ZNF91: variants seen among roughly 807,000 people sequenced by gnomAD.
ZNF91 encodes zinc finger protein 91 (HPF7, HTF10).
Under a neutral mutation model 12.6 loss-of-function variants are expected in ZNF91, and 7 were observed. That is an observed-to-expected ratio of 0.55 (90% CI 0.31 to 1.04). The LOEUF (loss-of-function observed/expected upper bound fraction) is 1.04, where lower values mean the gene tolerates loss of function less well. Among genes scored for constraint, ZNF91 ranks in the 50% least tolerant of loss-of-function variants. The pLI is 0.05. For missense variants in ZNF91, 1,217 were observed against 1,385.4 expected (o/e 0.88, Z 1.93); for synonymous variants, 453 against 462.6 (o/e 0.98, Z 0.27).
In ZNF91 at chr19:23,360,554, G is replaced by A. The variant is rs1338455311; in HGVS notation, c.2425C>T (p.Arg809Cys). 2.5e-6 allele frequency: 4 copies of A among 1,613,090 alleles called. No individual in the cohort carries two copies. The highest frequency in any genetic ancestry group is 2.5e-6 in the Non-Finnish European group (3 of 1,179,802). The change falls in exon 4 of 4, where the codon CGT (arginine) becomes TGT (cysteine). Residue 809 changes from arginine to cysteine, a missense_variant. Arg to Cys is a radical substitution (Grantham distance 180, BLOSUM62 -3). Coordinates refer to ENST00000300619, the MANE Select transcript of ZNF91 (RefSeq NM_003430.4). ...KCEECGKAFS[R>C]SSTLTKHKTI... ...TTATGCTTAGTAAGGGTTGAGGAAC[G>A]GCTAAAAGCTTTGCCACATTCTTCA... is the stretch of plus-strand genomic sequence containing the variant.
At chr19:23,346,749 G>A (rs926347616) in intron 3 of ZNF91, among the ~76,000 whole-genome samples, 2 of 152,114 alleles carry the variant, frequency 1.3e-5, no homozygotes, top group African/African-American at 4.8e-5. Flanking sequence ...GAACATTGAC[G>A]GCAGCTGCTG....
At position 23,317,339 on chromosome 19, in the gene ZNF91, C is replaced by T. The variant is rs144341985; in HGVS notation, n.117-8242G>A. Among the ~76,000 whole-genome samples, 316 of 152,274 alleles carry T rather than the reference C, an allele frequency of 2.1e-3. 1 individual carries two copies. The East Asian group carries it at 0.038, about 18-fold the overall frequency. On this transcript the variant is annotated intron_variant and non_coding_transcript_variant, in intron 1 of 1. Transcript: ENST00000596528. ...CTGAGATTACAGGTGTGAGCCACCGCGCCCGGCCAGGTGACTCATTTCTAA... is the reference window on the plus strand; with the variant it reads ...CTGAGATTACAGGTGTGAGCCACCGTGCCCGGCCAGGTGACTCATTTCTAA...
At chr19:23,368,368 AGCCAGGCGGGGC>A (rs147102089) in intron 3 of ZNF91, among the ~76,000 whole-genome samples, 14,695 of 151,886 alleles carry the variant, frequency 0.097, 927 homozygotes, top group Middle Eastern at 0.18. Flanking sequence ...TACAAAAATT[AGCCAGGCGGGGC>A]GGCACGTGCC....
intron 3 of ZNF91, among the ~76,000 whole-genome samples, chr19:23,366,145 C>T (rs139861559): frequency 0.022 from 3,412 of 152,154 alleles, 53 homozygotes; most frequent in Middle Eastern, 0.041. Flanking sequence ...TAGGGGCGGC[C>T]GGGCAGAGGC....
chr19:23,314,009 CTGAG>C (rs1967511195), upstream of ZNF91, among the ~76,000 whole-genome samples: 1 of 152,144 alleles, frequency 6.6e-6, no homozygotes, highest in South Asian at 2.1e-4. Context: ...TGCCAAGTAC[CTGAG>C]TGAGAATGTC....
intron 3 of ZNF91, among the ~76,000 whole-genome samples, chr19:23,345,220 T>C (rs1330733146): frequency 6.6e-6 from 1 of 152,172 alleles, no homozygotes; most frequent in Non-Finnish European, 1.5e-5. Context: ...ATGGTCCCCT[T>C]TTCCCTGTTC....
chr19:23,362,694 C>A lies in ZNF91; in HGVS notation c.285G>T (p.Trp95Cys). ...AAGAATCTTCCATGCTCTGCTCTGG[C>A]CAAAAGTCTTGAGGAAAATGAGGAC... is the stretch of plus-strand genomic sequence containing the variant. ...GICPHFPQDF[W>C]PEQSMEDSFQ... Residue 95 changes from tryptophan (W) to cysteine (C), a missense_variant, in exon 4 of 4, where the codon TGG (tryptophan) becomes TGT (cysteine). This residue lies in a region of ZNF91 where 726 missense variants were observed against 895.5 expected (regional missense o/e 0.81). Coordinates refer to ENST00000300619, the MANE Select transcript of ZNF91 (RefSeq NM_003430.4). 2 of 1,489,696 alleles carry A rather than the reference C, an allele frequency of 1.3e-6. No homozygotes were observed. Among genetic ancestry groups the A allele is most frequent in the Non-Finnish European group, 8.9e-7 (1 of 1,122,480 alleles). 92.3% of individuals were successfully genotyped at this position (1,489,696 alleles called of 1,614,324 possible).
intron 1 of ZNF91, among the ~76,000 whole-genome samples, chr19:23,384,004 C>A (rs948946369): frequency 6.6e-6 from 1 of 151,870 alleles, no homozygotes; most frequent in African/African-American, 2.4e-5. Context: ...CAGCTACTCA[C>A]GAGGCTGAGA....
chr19:23,327,318 C>CT (rs1967855778), intron 1 of ZNF91: 3 of 152,218 alleles, frequency 2.0e-5, no homozygotes, highest in African/African-American at 2.4e-5. Context: ...AAGCATTGTT[C>CT]TAACTACTAA....
At chr19:23,309,805 A>T (rs1967445685) in intron 1 of ZNF91, among the ~76,000 whole-genome samples, 1 of 152,174 alleles carries the variant, frequency 6.6e-6, no homozygotes, top group South Asian at 2.1e-4. Flanking sequence ...ATATTGTATA[A>T]AGCCCTTGGG....
chr19:23,357,196 C>A (rs1952595747), downstream of ZNF91, among the ~76,000 whole-genome samples: 1 of 152,086 alleles, frequency 6.6e-6, no homozygotes. Context: ...CATTGCACTC[C>A]AGCCCGGGAG....
intron 3 of ZNF91, among the ~76,000 whole-genome samples, chr19:23,367,471 A>G (rs1399327465): frequency 6.6e-6 from 1 of 152,238 alleles, no homozygotes; most frequent in East Asian, 1.9e-4. Flanking sequence ...TAATTTTTCA[A>G]AGATGTCAAT....
intron 1 of ZNF91, among the ~76,000 whole-genome samples, chr19:23,375,883 T>C (rs1440979516): frequency 1.3e-5 from 2 of 152,220 alleles, no homozygotes; most frequent in Non-Finnish European, 2.9e-5. Flanking sequence ...CAAGTTTCTA[T>C]AGTATGCTGA....
At position 23,395,359 on chromosome 19, in the gene ZNF91, G is replaced by C; in HGVS notation, c.-5C>G. The stretch of plus-strand genomic sequence containing the variant: ...GCTTCCAGGGGTTCCTGGCATCTTA[G>C]CTGTGGCTCTCCAATACCTGCAGGT... On this transcript the variant is annotated 5_prime_UTR_variant, in exon 1 of 4. Transcript: ENST00000300619. 1 of 1,613,936 alleles carries C rather than the reference G, an allele frequency of 6.2e-7. No homozygotes were observed.
chr19:23,341,358 A>G (rs1968120402), intron 3 of ZNF91, among the ~76,000 whole-genome samples: 1 of 152,168 alleles, frequency 6.6e-6, no homozygotes, highest in South Asian at 2.1e-4. Flanking sequence ...CAGAACTATC[A>G]TTTGATTCAG....
rs199502898 is a variant in ZNF91, at chr19:23,380,266, C to CAAAAAAA, written c.31-5509_31-5503dup. 10 of 52,738 alleles carry CAAAAAAA rather than the reference C, an allele frequency of 1.9e-4. 2 individuals carry two copies. Among genetic ancestry groups the CAAAAAAA allele is most frequent in the Admixed American group, 3.6e-4 (1 of 2,744 alleles). The allele number at this position is 52,738 out of a possible 1,614,324, so 3.3% of individuals were successfully genotyped here. On this transcript the variant is annotated intron_variant, in intron 1 of 3. Coordinates refer to ENST00000300619, the MANE Select transcript of ZNF91 (RefSeq NM_003430.4). ...TGGGCAATGGGGGGAAAATCCGTCT[C>CAAAAAAA]AAAAAAAAAAAAAAAAAAAAAAAAA...
At chr19:23,305,694 C>T (rs1967388372) in intron 3 of ZNF91, among the ~76,000 whole-genome samples, 1 of 152,222 alleles carries the variant, frequency 6.6e-6, no homozygotes, top group African/African-American at 2.4e-5. Flanking sequence ...TGTCAGTTAG[C>T]TCAGCCCAGG....
intron 1 of ZNF91, among the ~76,000 whole-genome samples, chr19:23,381,749 C>T (rs1240075502): frequency 1.3e-5 from 2 of 152,014 alleles, no homozygotes; most frequent in Non-Finnish European, 2.9e-5. Flanking sequence ...CATGAGCCAC[C>T]GCGCCCAGCC....
In ZNF91 at chr19:23,358,869, T is replaced by C. The variant is rs3745110; in HGVS notation, c.*534A>G. 14 of 177,098 alleles carry C rather than the reference T, an allele frequency of 7.9e-5. No individual in the cohort carries two copies. In the East Asian group the frequency reaches 2.4e-3, roughly 31 times the overall value. The allele number at this position is 177,098 out of a possible 1,614,324, so 11.0% of individuals were successfully genotyped here. ...TGGCACATCTTTCAGGTTTGTAGAG[T>C]TTCTCTCCAGTATGAATAATATTAT... On this transcript the variant is annotated 3_prime_UTR_variant, in exon 4 of 4. Coordinates refer to ENST00000300619, the MANE Select transcript of ZNF91 (RefSeq NM_003430.4).
Sources: allele counts gnomAD v4.1 joint callset (sites outside exome capture counted in the v4.1 genomes callset), GRCh38; gene constraint gnomAD v4.1.1; regional missense constraint gnomAD v4.1.1; transcripts MANE v1.5; gene names NCBI Gene and HGNC (gene_info 2026-07-23, HGNC 2026-07-21).